The following DYSF variants were observed in gnomAD, a reference collection of about 807,000 sequenced individuals.
DYSF encodes dystrophy-associated fer-1-like 1.
DYSF carries 212 observed loss-of-function variants against 274.9 expected under a neutral mutation model. That is an observed-to-expected ratio of 0.77 (90% CI 0.69 to 0.86). The LOEUF is 0.86. Ranked by LOEUF, DYSF falls within the 40% of genes least tolerant of loss-of-function variation. DYSF has a pLI of 0.00. For synonymous variants in DYSF, 1,091 were observed against 1,078.7 expected (o/e 1.01, Z -0.22); for missense variants, 2,666 against 2,783.2 (o/e 0.96, Z 0.95).
intron 41 of DYSF, among the ~76,000 whole-genome samples, chr2:71,621,496 A>G (rs2094098372): frequency 6.6e-6 from 1 of 152,066 alleles, no homozygotes; most frequent in Non-Finnish European, 1.5e-5. Flanking sequence ...ATGTGCCTAG[A>G]TTTTTTAGAT....
Position 71,515,662 on chromosome 2 carries a change from G to T in DYSF, c.799G>T (p.Val267Leu), listed in dbSNP as rs750724439. The T allele has an allele frequency of 6.2e-7, 1 of 1,614,036 alleles. No individual in the cohort carries two copies. The highest frequency in any genetic ancestry group is 8.5e-7 in the Non-Finnish European group (1 of 1,179,984). ...QVIEGRQLPGVNIKPVVKVTA... is the reference protein window; with the variant it reads ...QVIEGRQLPGLNIKPVVKVTA... The stretch of plus-strand genomic sequence containing the variant: ...GATCGAGGGGCGCCAGCTGCCGGGG[G>T]TGAACATCAAGCCTGTGGTCAAGGT... The change falls in exon 8 of 56, where the codon GTG becomes TTG. Residue 267 changes from valine to leucine, a missense_variant. This residue lies in a region of DYSF where 794 missense variants were observed against 777.1 expected (regional missense o/e 1.02). Coordinates refer to ENST00000410020, the MANE Select transcript of DYSF (RefSeq NM_001130987.2).
intron 32 of DYSF, among the ~76,000 whole-genome samples, chr2:71,596,383 A>G (rs2093410387): frequency 6.6e-6 from 1 of 152,204 alleles, no homozygotes; most frequent in South Asian, 2.1e-4. Flanking sequence ...TTATAAAAAT[A>G]AAGCGTAGGG....
chr2:71,612,880 A>T (rs2093797858), intron 39 of DYSF, 74 bp downstream of exon 39: 1 of 1,518,072 alleles, frequency 6.6e-7, no homozygotes, highest in African/African-American at 1.4e-5. Context: ...CCTAGTTGAG[A>T]TGCATCCTGA....
chr2:71,622,135 T>C (rs4852816), intron 41 of DYSF, among the ~76,000 whole-genome samples: 1 of 138,612 alleles, frequency 7.2e-6, no homozygotes, highest in African/African-American at 2.5e-5. Context: ...TCTTTGTTTT[T>C]TTTTTTTTTT....
chr2:71,503,639 A>T (rs1487000479), intron 4 of DYSF, among the ~76,000 whole-genome samples: 1 of 152,048 alleles, frequency 6.6e-6, no homozygotes, highest in Non-Finnish European at 1.5e-5. Context: ...GCTATAGCCC[A>T]CCTAGTCTCC....
At position 71,583,628 on chromosome 2, in the gene DYSF, C is replaced by T. The variant is rs544982856; in HGVS notation, c.3403-5965C>T. ...ACTTTATAGATCCTGAGCCAGAACT[C>T]TAGGCCCTGTTTAGACCAAGGCACC... On this transcript the variant is annotated intron_variant, in intron 30 of 55. Transcript: ENST00000410020. 2.0e-5 allele frequency among the ~76,000 whole-genome samples: 3 copies of T among 152,326 alleles called. No homozygotes were observed. The East Asian group carries it at 5.8e-4, about 29-fold the overall frequency.
intron 45 of DYSF, among the ~76,000 whole-genome samples, chr2:71,662,653 GTC>G (rs1160263457): frequency 3.0e-5 from 4 of 133,282 alleles, no homozygotes; most frequent in Non-Finnish European, 6.5e-5. Context: ...GTGTGTATGT[GTC>G]TCTGTGTCCA....
intron 53 of DYSF, among the ~76,000 whole-genome samples, chr2:71,680,389 G>A (rs1296294995): frequency 6.6e-6 from 1 of 152,138 alleles, no homozygotes; most frequent in Non-Finnish European, 1.5e-5. Flanking sequence ...CTGTGTGGAG[G>A]AAGAAATTTG....
At chr2:71,653,757 A>G (rs1376320053) in intron 42 of DYSF, among the ~76,000 whole-genome samples, 2 of 152,044 alleles carry the variant, frequency 1.3e-5, no homozygotes, top group Non-Finnish European at 2.9e-5. Flanking sequence ...ACATGTATAC[A>G]TATGTAACAG....
intron 42 of DYSF, among the ~76,000 whole-genome samples, chr2:71,655,149 T>G (rs939356886): frequency 7.9e-5 from 12 of 152,034 alleles, no homozygotes; most frequent in Admixed American, 2.0e-4. Context: ...GAGTCCATAA[T>G]TTTGGTTAAA....
chr2:71,575,918 G>C (rs190047264), intron 30 of DYSF, among the ~76,000 whole-genome samples: 158 of 152,330 alleles, frequency 1.0e-3, no homozygotes, highest in African/African-American at 3.4e-3. Context: ...CTCTCTGTGT[G>C]GTAGCAAAGA....
intron 36 of DYSF, among the ~76,000 whole-genome samples, chr2:71,608,193 T>C (rs1458593501): frequency 6.6e-6 from 1 of 151,150 alleles, no homozygotes; most frequent in African/African-American, 2.4e-5. Flanking sequence ...GGTGTGGACA[T>C]GAGGGAGGAG....
intron 3 of DYSF, among the ~76,000 whole-genome samples, chr2:71,498,058 G>C (rs1287239441): frequency 6.6e-6 from 1 of 152,090 alleles, no homozygotes; most frequent in Non-Finnish European, 1.5e-5. Context: ...TGATTGTTGA[G>C]GCCTGGGGAG....
At position 71,552,947 on chromosome 2, in the gene DYSF, C is replaced by CT. The variant is rs557685150; in HGVS notation, c.1807-63dup. ...CCGGGGCCTGCCAGACGTATGTCCC[C>CT]TCCCCAGCCTGGGTGCCTTTCTTTG... On this transcript the variant is annotated intron_variant, in intron 19 of 55. Coordinates refer to ENST00000410020, the MANE Select transcript of DYSF (RefSeq NM_001130987.2). 28 of 1,576,584 alleles carry CT rather than the reference C, an allele frequency of 1.8e-5. No individual in the cohort carries two copies. In the East Asian group the frequency reaches 3.4e-4, roughly 19 times the overall value.
Position 71,541,298 on chromosome 2 carries a change from C to G in DYSF, c.1576+2059C>G, listed in dbSNP as rs558331912. Among the ~76,000 whole-genome samples the G allele has an allele frequency of 2.6e-5, 4 of 152,240 alleles. No individual in the cohort carries two copies. In the East Asian group the frequency reaches 7.7e-4, roughly 29 times the overall value. On this transcript the variant is annotated intron_variant, in intron 17 of 55. Coordinates refer to ENST00000410020, the MANE Select transcript of DYSF (RefSeq NM_001130987.2). ...GGGTATAGTAATAGCTCTTTAAAAA[C>G]TTTTCAATTTCTCCTGTGATGATTG...
intron 32 of DYSF, among the ~76,000 whole-genome samples, chr2:71,596,405 G>C (rs941128399): frequency 1.3e-5 from 2 of 152,200 alleles, no homozygotes; most frequent in Non-Finnish European, 1.5e-5. Flanking sequence ...AGCACGGGGC[G>C]GGGCGGGAAC....
intron 34 of DYSF, 30 bp downstream of exon 34, chr2:71,600,872 G>A: frequency 1.2e-6 from 2 of 1,604,434 alleles, no homozygotes; most frequent in Non-Finnish European, 1.7e-6. Context: ...AGATCCAGGA[G>A]GCCCAGGCAG....
At chr2:71,674,636 A>C (rs1477324801) in intron 52 of DYSF, among the ~76,000 whole-genome samples, 1 of 152,230 alleles carries the variant, frequency 6.6e-6, no homozygotes, top group Non-Finnish European at 1.5e-5. Context: ...TTTGACACAG[A>C]CTGAGCCCTG....
At chr2:71,686,204 G>A (rs1042261484) in intron 55 of DYSF, among the ~76,000 whole-genome samples, 6 of 152,166 alleles carry the variant, frequency 3.9e-5, no homozygotes, top group Non-Finnish European at 5.9e-5. Context: ...GTGGAGTTTC[G>A]GAGGGTATGG....
Sources: allele counts gnomAD v4.1 joint callset (sites outside exome capture counted in the v4.1 genomes callset), GRCh38; gene constraint gnomAD v4.1.1; regional missense constraint gnomAD v4.1.1; transcripts MANE v1.5; gene names NCBI Gene and HGNC (gene_info 2026-07-23, HGNC 2026-07-21).